Variants in TARS2 observed in about 807,000 individuals in gnomAD.
TARS2 encodes threonine--tRNA ligase, mitochondrial.
Under a neutral mutation model 94.4 loss-of-function variants are expected in TARS2, and 61 were observed. That is an observed-to-expected ratio of 0.65 (90% CI 0.53 to 0.80). TARS2 has a LOEUF of 0.80. TARS2 is among the 30% of genes least tolerant of loss of function. The pLI is 0.00. For synonymous variants in TARS2, 359 were observed against 353.4 expected (o/e 1.02, Z -0.18); for missense variants, 704 against 902.5 (o/e 0.78, Z 2.82).
At chr1:150,501,349 G>C (rs1243170006) in intron 13 of TARS2, among the ~76,000 whole-genome samples, 1 of 111,012 alleles carries the variant, frequency 9.0e-6, no homozygotes, top group Non-Finnish European at 1.7e-5. Context: ...ACTATGTCTC[G>C]CTCTGCTGCC....
chr1:150,491,248 T>C (rs1669369083), intron 4 of TARS2, 146 bp from the exon 5 acceptor site: 1 of 739,004 alleles, frequency 1.4e-6, no homozygotes. Context: ...ATATCCTATT[T>C]ATATTTTCTC....
intron 7 of TARS2, among the ~76,000 whole-genome samples, chr1:150,495,700 T>G (rs1314115792): frequency 6.8e-6 from 1 of 148,000 alleles, no homozygotes; most frequent in East Asian, 2.0e-4. Context: ...GGCCTCTCAT[T>G]AGTACTTTTT....
At chr1:150,490,474 T>G in intron 3 of TARS2, 127 bp from the exon 4 acceptor site, 8 of 1,368,718 alleles carry the variant, frequency 5.8e-6, no homozygotes, top group East Asian at 2.5e-5. Flanking sequence ...AGGATCCCCA[T>G]TTTGTGGTAG....
chr1:150,497,679 G>T lies in TARS2; in HGVS notation c.1170G>T (p.Gln390His). 6.2e-7 allele frequency: 1 copy of T among 1,614,090 alleles called. No individual in the cohort carries two copies. The highest frequency in any genetic ancestry group is 1.1e-5 in the South Asian group (1 of 91,088). ...GCTCTGACAGGCCTCCCAGCTCCCA[G>T]AGTGACGATTCTACCAGGCATATCA... ...PPGSDRPPSS[Q>H]SDDSTRHITD... Residue 390 changes from glutamine (Q) to histidine (H), a missense_variant, in exon 10 of 18, where the codon CAG becomes CAT. Transcript: ENST00000369064.
intron 6 of TARS2, 124 bp downstream of exon 6, chr1:150,491,786 G>A: frequency 9.2e-7 from 1 of 1,091,270 alleles, no homozygotes; most frequent in Non-Finnish European, 1.3e-6. Context: ...ATGGGAATGG[G>A]AATTGATTTT....
At chr1:150,496,676 G>C (rs781682120) in intron 8 of TARS2, 48 bp downstream of exon 8, 1 of 1,600,968 alleles carries the variant, frequency 6.2e-7, no homozygotes, top group Non-Finnish European at 8.5e-7. Context: ...GGGTTGGAGA[G>C]AGATGACAGA....
rs1408679261 is a variant in TARS2 at position 150,499,191 on chromosome 1, C to G, written c.1540-25C>G. 3.1e-6 allele frequency: 5 copies of G among 1,613,382 alleles called. No individual in the cohort carries two copies. The Admixed American group carries it at 6.7e-5, about 22-fold the overall frequency. ...CTTTTGAAGTCTAAGATGATGTATT[C>G]CACTCTTGTCTCATTCCTTCAAAGG... On this transcript the variant is annotated intron_variant, in intron 12 of 17. Transcript: ENST00000369064.
chr1:150,500,420 T>G (rs2102498766), intron 13 of TARS2, among the ~76,000 whole-genome samples: 1 of 148,534 alleles, frequency 6.7e-6, no homozygotes, highest in East Asian at 2.0e-4. Context: ...CGAAACCCCA[T>G]CTCTACTAAA....
rs756698452 is a variant in TARS2, at chr1:150,506,967, A to T, written c.2060A>T (p.Asp687Val). ...AGAACAGTGAACATTCGGACTCGAG[A>T]TAATCGTCGCCTTGGGGAGTGGGAC... Reference protein sequence around the residue: ...SKRTVNIRTRDNRRLGEWDLP... With the variant: ...SKRTVNIRTRVNRRLGEWDLP... Residue 687 changes from aspartate to valine, a missense_variant, in exon 18 of 18, where the codon GAT becomes GTT. Physicochemically the swap from Asp to Val is radical, Grantham distance 152. This residue lies in a region of TARS2 where 466 missense variants were observed against 609.5 expected (regional missense o/e 0.76). Coordinates refer to ENST00000369064, the MANE Select transcript of TARS2 (RefSeq NM_025150.5). 5 of 1,614,174 alleles carry T rather than the reference A, an allele frequency of 3.1e-6. No homozygotes were observed. The Admixed American group carries it at 8.3e-5, about 27-fold the overall frequency.
intron 17 of TARS2, 28 bp downstream of exon 17, chr1:150,505,733 T>C: frequency 6.3e-7 from 1 of 1,592,890 alleles, no homozygotes. Context: ...GCCAATGTTC[T>C]CCCACCTGCC....
intron 16 of TARS2, 49 bp from the exon 17 acceptor site, chr1:150,505,542 C>T: frequency 6.6e-7 from 1 of 1,519,048 alleles, no homozygotes; most frequent in Non-Finnish European, 9.1e-7. Context: ...TGTTCTAGCT[C>T]CTTAACTTTC....
intron 3 of TARS2, 180 bp downstream of exon 3, chr1:150,489,267 C>T (rs1306142878): frequency 2.2e-5 from 19 of 847,796 alleles, no homozygotes; most frequent in Non-Finnish European, 3.6e-5. Flanking sequence ...TTTAACTTAG[C>T]TTCGATCTAT....
At chr1:150,503,540 C>T (rs1276444561) in intron 13 of TARS2, among the ~76,000 whole-genome samples, 2 of 88,596 alleles carry the variant, frequency 2.3e-5, no homozygotes, top group Middle Eastern at 4.8e-3. Context: ...AAAAAAAATA[C>T]ACATATGTGT....
chr1:150,497,264 G>A (rs949872972), intron 9 of TARS2, among the ~76,000 whole-genome samples: 3 of 152,028 alleles, frequency 2.0e-5, no homozygotes, highest in African/African-American at 7.2e-5. Flanking sequence ...CAGCCTGTGT[G>A]ATACAGTGAG....
At chr1:150,500,225 A>T (rs1367215272) in intron 13 of TARS2, among the ~76,000 whole-genome samples, 1 of 152,028 alleles carries the variant, frequency 6.6e-6, no homozygotes, top group Non-Finnish European at 1.5e-5. Context: ...TGTCCACTGG[A>T]TTTAGTAAAA....
rs1337200215 is a variant in TARS2 at position 150,498,634 on chromosome 1, T to C, written c.1371T>C (p.Asp457=). The stretch of plus-strand genomic sequence containing the variant: ...CCCGACTGCGGTGCTTCCAGCAGGA[T>C]GACGCTCACATCTTCTGTACAACAG... ...GLTRLRCFQQ[D]DAHIFCTTDQ... is the part of the protein sequence containing the mutation. The change falls in exon 11 of 18, where the codon GAT becomes GAC. Residue 457 remains aspartate (D), a synonymous_variant. Coordinates refer to ENST00000369064, the MANE Select transcript of TARS2 (RefSeq NM_025150.5). 10 of 1,612,872 alleles carry C rather than the reference T, an allele frequency of 6.2e-6. No homozygotes were observed. The highest frequency in any genetic ancestry group is 8.5e-6 in the Non-Finnish European group (10 of 1,179,656).
chr1:150,497,058 A>C (rs1669696555), intron 9 of TARS2, 150 bp downstream of exon 9: 1 of 696,594 alleles, frequency 1.4e-6, no homozygotes, highest in South Asian at 1.9e-5. Flanking sequence ...TGAGCCGTGC[A>C]GATCACCTGA....
chr1:150,499,057 G>T, intron 12 of TARS2, 23 bp downstream of exon 12: 5 of 1,614,104 alleles, frequency 3.1e-6, no homozygotes, highest in Non-Finnish European at 4.2e-6. Flanking sequence ...TAGAGAAATA[G>T]AGGCAGATAA....
At position 150,504,040 on chromosome 1, in the gene TARS2, G is replaced by A. The variant is rs11205385; in HGVS notation, c.1618-295G>A. On this transcript the variant is annotated intron_variant, in intron 13 of 17. Coordinates refer to ENST00000369064, the MANE Select transcript of TARS2 (RefSeq NM_025150.5). ...AGGATAAAGGGTGTAGCCATAGATG[G>A]GTGGTGGTGAAGATCTCTGAGATGA... Among the ~76,000 whole-genome samples, 45,350 of 151,880 alleles carry A rather than the reference G, an allele frequency of 0.3. 8,262 individuals are homozygous for A. The highest frequency in any genetic ancestry group is 0.4 in the Non-Finnish European group (27,382 of 67,894).
Sources: gnomAD v4.1 joint callset for allele counts (sites outside exome capture counted in the v4.1 genomes callset) on GRCh38, gnomAD v4.1.1 for gene constraint, gnomAD v4.1.1 regional missense constraint, MANE v1.5 for transcripts, NCBI Gene and HGNC (gene_info 2026-07-23, HGNC 2026-07-21) for gene names.